KDM4B: variants seen among roughly 807,000 people sequenced by gnomAD.
The protein encoded by KDM4B is lysine demethylase 4B, also known as lysine-specific demethylase 4B.
In KDM4B, 32 loss-of-function variants were observed where a neutral mutation model predicts 125.2. The ratio of observed to expected loss-of-function variants is 0.26; its 90% CI spans 0.19 to 0.34. The LOEUF (loss-of-function observed/expected upper bound fraction) is 0.34. Among genes scored for constraint, KDM4B ranks in the 10% least tolerant of loss-of-function variants. KDM4B has a pLI of 1.00. For missense variants in KDM4B, 1,190 were observed against 1,577.7 expected (o/e 0.75, Z 4.16); for synonymous variants, 721 against 677.9 (o/e 1.06, Z -0.99).
chr19:5,149,288 T>C (rs1012186165), intron 21 of KDM4B, among the ~76,000 whole-genome samples: 3 of 152,228 alleles, frequency 2.0e-5, no homozygotes, highest in African/African-American at 7.2e-5. Flanking sequence ...TCCGTCATGG[T>C]CTTAGTGTGT....
chr19:5,120,305 C>T (rs1180958561), intron 11 of KDM4B, among the ~76,000 whole-genome samples: 3 of 152,208 alleles, frequency 2.0e-5, no homozygotes, highest in Non-Finnish European at 4.4e-5. Flanking sequence ...GGCAACAGAG[C>T]AAGACCCAGT....
chr19:5,032,590 A>G (rs1285780755), intron 2 of KDM4B, among the ~76,000 whole-genome samples: 1 of 152,214 alleles, frequency 6.6e-6, no homozygotes, highest in Non-Finnish European at 1.5e-5. Context: ...GGCCCCGCTT[A>G]AAATTAGCGC....
In KDM4B at chr19:5,047,602, G is replaced by A. The variant is rs746418499; in HGVS notation, c.559G>A (p.Ala187Thr). 4.3e-6 allele frequency: 7 copies of A among 1,614,026 alleles called. No homozygotes were observed. Among genetic ancestry groups the A allele is most frequent in the South Asian group, 1.1e-5 (1 of 91,084 alleles). The change falls in exon 6 of 23, where the codon GCC (alanine) becomes ACC (threonine). Residue 187 changes from alanine to threonine, a missense_variant. Ala to Thr is a moderately conservative substitution (Grantham distance 58). This residue lies in a region of KDM4B where 75 missense variants were observed against 218.2 expected (regional missense o/e 0.34). Coordinates refer to ENST00000159111, the MANE Select transcript of KDM4B (RefSeq NM_015015.3). ...LYFGMWKTTF[A>T]WHTEDMDLYS... Reference sequence around the variant, plus strand: ...CTTCGGCATGTGGAAGACCACCTTCGCCTGGCACACCGAGGACATGGACCT... The same window carrying A: ...CTTCGGCATGTGGAAGACCACCTTCACCTGGCACACCGAGGACATGGACCT...
chr19:5,047,551 G>C lies in KDM4B; in HGVS notation c.508G>C (p.Glu170Gln). The C allele has an allele frequency of 6.2e-7, 1 of 1,613,932 alleles. No homozygotes were observed. The highest frequency in any genetic ancestry group is 8.5e-7 in the Non-Finnish European group (1 of 1,179,912). ...MVERECGTII[E>Q]GVNTPYLYFG... Reference sequence around the variant, plus strand: ...GGAGCGCGAGTGCGGCACCATCATCGAGGGCGTGAACACGCCCTACCTGTA... The same window carrying C: ...GGAGCGCGAGTGCGGCACCATCATCCAGGGCGTGAACACGCCCTACCTGTA... The change falls in exon 6 of 23, where the codon GAG becomes CAG. Residue 170 changes from glutamate to glutamine, a missense_variant. Around this residue, in one of 7 missense-constraint regions of KDM4B, gnomAD observed 139 missense variants for 248.3 expected, o/e 0.56. Transcript: ENST00000159111.
intron 9 of KDM4B, among the ~76,000 whole-genome samples, chr19:5,089,233 C>T (rs973831316): frequency 3.3e-5 from 5 of 152,206 alleles, no homozygotes; most frequent in Non-Finnish European, 7.3e-5. Flanking sequence ...CAGCTCTCAG[C>T]AAATCAGGAA....
At chr19:5,057,553 CTG>C (rs1342382505) in intron 6 of KDM4B, among the ~76,000 whole-genome samples, 1 of 152,240 alleles carries the variant, frequency 6.6e-6, no homozygotes, top group African/African-American at 2.4e-5. Flanking sequence ...CTATCAGTAA[CTG>C]TGACTGGGGC....
intron 2 of KDM4B, among the ~76,000 whole-genome samples, chr19:5,019,744 T>TGCA (rs1337394225): frequency 3.8e-5 from 5 of 133,100 alleles, no homozygotes; most frequent in African/African-American, 1.5e-4. Flanking sequence ...TTGGTGTGGG[T>TGCA]GTTGGTGTGC....
intron 3 of KDM4B, among the ~76,000 whole-genome samples, chr19:5,039,633 C>T (rs928172734): frequency 6.6e-6 from 1 of 152,168 alleles, no homozygotes; most frequent in South Asian, 2.1e-4. Context: ...TGGCTCTGCC[C>T]TAGCAGGTGA....
chr19:5,146,962 A>AC (rs2039862063), intron 21 of KDM4B, among the ~76,000 whole-genome samples: 1 of 148,128 alleles, frequency 6.8e-6, no homozygotes, highest in Non-Finnish European at 1.5e-5. Flanking sequence ...AAAAAAAAAA[A>AC]CAAAAACTCT....
intron 5 of KDM4B, among the ~76,000 whole-genome samples, chr19:5,045,325 C>G (rs935550576): frequency 2.0e-5 from 3 of 152,204 alleles, no homozygotes; most frequent in African/African-American, 7.2e-5. Context: ...CCTTTGCATG[C>G]CTGTTTGCCA....
Position 5,106,792 on chromosome 19 carries a change from C to T in KDM4B, c.919-3830C>T, listed in dbSNP as rs528009475. 3.2e-4 allele frequency among the ~76,000 whole-genome samples: 48 copies of T among 152,268 alleles called. No individual in the cohort carries two copies. The South Asian group carries it at 6.8e-3, about 22-fold the overall frequency. On this transcript the variant is annotated intron_variant, in intron 9 of 22. Coordinates refer to ENST00000159111, the MANE Select transcript of KDM4B (RefSeq NM_015015.3). Reference sequence around the variant, plus strand: ...GGCCTTGCTTTGAGACCCTGCTCTGCGGGCCTTAGCCAGGAATGAGAAGAA... The same window carrying T: ...GGCCTTGCTTTGAGACCCTGCTCTGTGGGCCTTAGCCAGGAATGAGAAGAA...
intron 10 of KDM4B, among the ~76,000 whole-genome samples, chr19:5,117,672 A>C (rs1386207499): frequency 6.6e-6 from 1 of 152,038 alleles, no homozygotes; most frequent in Non-Finnish European, 1.5e-5. Flanking sequence ...GCTGTTGTGG[A>C]GAACGTTCTC....
At chr19:5,117,063 C>T (rs1035837487) in intron 10 of KDM4B, among the ~76,000 whole-genome samples, 3 of 152,070 alleles carry the variant, frequency 2.0e-5, no homozygotes, top group Non-Finnish European at 2.9e-5. Context: ...GTGTCTGTGC[C>T]GCCCTTGCTG....
chr19:5,025,488 C>A (rs1365961429), intron 2 of KDM4B, among the ~76,000 whole-genome samples: 4 of 152,356 alleles, frequency 2.6e-5, no homozygotes, highest in African/African-American at 9.6e-5. Flanking sequence ...GCCCTGCCTG[C>A]CATCCACTTC....
chr19:5,025,228 T>A (rs1049740901), intron 2 of KDM4B, among the ~76,000 whole-genome samples: 2 of 152,192 alleles, frequency 1.3e-5, no homozygotes, highest in Admixed American at 1.3e-4. Flanking sequence ...ACGCCTATAA[T>A]CCCAGCACTT....
chr19:5,131,218 GC>G lies in KDM4B; in HGVS notation c.1463del (p.Pro488ArgfsTer31). On this transcript the variant is annotated frameshift_variant, in exon 12 of 23. Coordinates refer to ENST00000159111, the MANE Select transcript of KDM4B (RefSeq NM_015015.3). LOFTEE classifies it high-confidence loss of function. ...EALWLPSPLE[P>X]PVLGPGPAAM... is the part of the protein sequence containing the mutation. ...CGCTGTGGCTGCCATCCCCACTGGAGCCCCCGGTGCTGGGCCCAGGCCCTGC... is the reference window on the plus strand; with the variant it reads ...CGCTGTGGCTGCCATCCCCACTGGAGCCCCGGTGCTGGGCCCAGGCCCTGC... 1.2e-6 allele frequency: 2 copies of G among 1,605,734 alleles called. No homozygotes were observed. The highest frequency in any genetic ancestry group is 1.7e-5 in the Admixed American group (1 of 59,260).
At chr19:4,994,306 T>A (rs1314366769) in intron 1 of KDM4B, among the ~76,000 whole-genome samples, 5 of 147,726 alleles carry the variant, frequency 3.4e-5, no homozygotes, top group Non-Finnish European at 6.0e-5. Context: ...GCGCAGTGGC[T>A]CACGCCTGTA....
At chr19:5,079,683 C>T (rs1477106476) in intron 8 of KDM4B, among the ~76,000 whole-genome samples, 3 of 152,304 alleles carry the variant, frequency 2.0e-5, no homozygotes, top group East Asian at 3.9e-4. Flanking sequence ...TTTCCGAAGC[C>T]GGCTCAAATA....
chr19:4,999,042 AGGCCAG>A (rs1366987858), intron 1 of KDM4B, among the ~76,000 whole-genome samples: 1 of 152,084 alleles, frequency 6.6e-6, no homozygotes. Context: ...TCTCATGGGG[AGGCCAG>A]TGTAAACACG....
Sources: gnomAD v4.1 joint callset for allele counts (sites outside exome capture counted in the v4.1 genomes callset) on GRCh38, gnomAD v4.1.1 for gene constraint, gnomAD v4.1.1 regional missense constraint, MANE v1.5 for transcripts, NCBI Gene and HGNC (gene_info 2026-07-23, HGNC 2026-07-21) for gene names.